Variants in UBR7 observed in about 807,000 individuals in gnomAD.
UBR7 encodes ubiquitin protein ligase E3 component n-recognin 7.
Under a neutral mutation model 57.0 loss-of-function variants are expected in UBR7, and 22 were observed. That is an observed-to-expected ratio of 0.39 (90% CI 0.28 to 0.55). The LOEUF is 0.55. Ranked by LOEUF, UBR7 falls within the 20% of genes least tolerant of loss-of-function variation. UBR7 has a pLI of 0.69. For missense variants in UBR7, 395 were observed against 513.2 expected (o/e 0.77, Z 2.23); for synonymous variants, 167 against 179.8 (o/e 0.93, Z 0.57).
At chr14:93,223,561 A>G in intron 10 of UBR7, 1 of 732,180 alleles carries the variant, frequency 1.4e-6, no homozygotes. Flanking sequence ...GGCGTTCCTG[A>G]GTTTATTTGG....
At chr14:93,223,742 C>G in intron 10 of UBR7, 2 of 773,664 alleles carry the variant, frequency 2.6e-6, no homozygotes, top group South Asian at 2.8e-5. Context: ...GCTGCGATCT[C>G]CTTCACCTTC....
At chr14:93,219,630 GTTTAC>G (rs1162517645) in intron 8 of UBR7, among the ~76,000 whole-genome samples, 1 of 152,204 alleles carries the variant, frequency 6.6e-6, no homozygotes, top group African/African-American at 2.4e-5. Flanking sequence ...TTTAATTTTA[GTTTAC>G]TTATCTTTGT....
intron 10 of UBR7, chr14:93,223,918 C>T (rs1894773431): frequency 4.1e-6 from 3 of 724,526 alleles, no homozygotes; most frequent in Admixed American, 1.9e-5. Context: ...TCTTGACCCG[C>T]GGTGGGGACT....
At chr14:93,223,442 A>C (rs1363761156) in intron 10 of UBR7, among the ~76,000 whole-genome samples, 1 of 148,294 alleles carries the variant, frequency 6.7e-6, no homozygotes, top group Non-Finnish European at 1.5e-5. Context: ...TTGTACCTGT[A>C]GTTTCAGCTA....
Position 93,215,269 on chromosome 14 carries a change from G to A in UBR7, c.589G>A (p.Ala197Thr), listed in dbSNP as rs868854967. The change falls in exon 6 of 11, where the codon GCA (alanine) becomes ACA (threonine). Residue 197 changes from alanine to threonine, a missense_variant. Transcript: ENST00000013070. The stretch of plus-strand genomic sequence containing the variant: ...TTGTTCTTTTTTGTGGGCTTATGCT[G>A]CACAATTGGCAGGTAGGTATCTTTG... ...KRCSFLWAYA[A>T]QLAVTKISTE... 3 of 1,575,980 alleles carry A rather than the reference G, an allele frequency of 1.9e-6. No homozygotes were observed. Among genetic ancestry groups the A allele is most frequent in the South Asian group, 1.2e-5 (1 of 85,976 alleles).
intron 10 of UBR7, chr14:93,223,541 T>A: frequency 1.5e-6 from 1 of 663,990 alleles, no homozygotes; most frequent in South Asian, 1.7e-5. Flanking sequence ...TTTTCTTTTT[T>A]GGGGTGGGGG....
chr14:93,229,078 C>A lies in UBR7; in HGVS notation c.*2043C>A. On this transcript the variant is annotated 3_prime_UTR_variant, in exon 11 of 11. Coordinates refer to ENST00000013070, the MANE Select transcript of UBR7 (RefSeq NM_175748.4). ...ATATTAATGCATGTTTTATGCAAAA[C>A]ACAAATATGATATTAGTTGCTTTTA... The A allele has an allele frequency of 2.6e-6, 1 of 386,678 alleles. No individual in the cohort carries two copies. Among genetic ancestry groups the A allele is most frequent in the Non-Finnish European group, 5.1e-6 (1 of 196,212 alleles). The allele number at this position is 386,678 out of a possible 1,614,324, so 24.0% of individuals were successfully genotyped here.
chr14:93,220,703 G>A (rs1027781100), intron 9 of UBR7, among the ~76,000 whole-genome samples: 1 of 152,098 alleles, frequency 6.6e-6, no homozygotes, highest in African/African-American at 2.4e-5. Context: ...GACATTATGT[G>A]TCATGTTCTT....
At chr14:93,208,908 C>T (rs2140096984) in intron 1 of UBR7, among the ~76,000 whole-genome samples, 1 of 152,192 alleles carries the variant, frequency 6.6e-6, no homozygotes, top group South Asian at 2.1e-4. Flanking sequence ...AGTGATTCTC[C>T]TGTCTTAGCC....
At chr14:93,223,631 G>T in intron 10 of UBR7, 1 of 1,370,268 alleles carries the variant, frequency 7.3e-7, no homozygotes, top group Non-Finnish European at 1.0e-6. Flanking sequence ...TGGTGGTGAA[G>T]CGTGGCTTGG....
intron 10 of UBR7, among the ~76,000 whole-genome samples, chr14:93,224,687 T>C (rs1388158802): frequency 6.6e-6 from 1 of 152,174 alleles, no homozygotes; most frequent in Non-Finnish European, 1.5e-5. Context: ...TTCCCTACAG[T>C]TCTTAAAACT....
At chr14:93,212,695 C>T (rs1307020977) in intron 4 of UBR7, among the ~76,000 whole-genome samples, 1 of 152,182 alleles carries the variant, frequency 6.6e-6, no homozygotes, top group Non-Finnish European at 1.5e-5. Context: ...TGTACACTCA[C>T]TTCTGCAGCT....
chr14:93,207,469 C>A, intron 1 of UBR7, 28 bp downstream of exon 1: 1 of 1,521,620 alleles, frequency 6.6e-7, no homozygotes, highest in Admixed American at 2.3e-5. Flanking sequence ...GCCTCCTCTC[C>A]CCCGGCTCCC....
intron 10 of UBR7, chr14:93,224,008 G>A: frequency 2.5e-6 from 2 of 792,212 alleles, no homozygotes; most frequent in Non-Finnish European, 4.4e-6. Flanking sequence ...AGTACCAGAA[G>A]TCCCGGGACT....
intron 3 of UBR7, among the ~76,000 whole-genome samples, chr14:93,211,103 G>A (rs1180737455): frequency 6.6e-6 from 1 of 152,160 alleles, no homozygotes; most frequent in Non-Finnish European, 1.5e-5. Flanking sequence ...GGGCATGGTG[G>A]CACCCAGTCA....
rs574698768 is a variant in UBR7, at chr14:93,223,980, T to C, written c.1185+1606T>C. 1.1e-5 allele frequency: 8 copies of C among 756,452 alleles called. No individual in the cohort carries two copies. In the South Asian group the frequency reaches 1.2e-4, roughly 11 times the overall value. 46.9% of individuals were successfully genotyped at this position (756,452 alleles called of 1,614,324 possible). ...ATCTCCCCTGAAGACTTCTTCATCTTTTTTAACTGAGATACGAAGTACCAG... is the reference window on the plus strand; with the variant it reads ...ATCTCCCCTGAAGACTTCTTCATCTCTTTTAACTGAGATACGAAGTACCAG... On this transcript the variant is annotated intron_variant, in intron 10 of 10. Transcript: ENST00000013070.
rs545897362 is a variant in UBR7, at chr14:93,223,737, G to C, written c.1185+1363G>C. The stretch of plus-strand genomic sequence containing the variant: ...CCGGCTGGCGGCACTTGCTGGCTGC[G>C]ATCTCCTTCACCTTCAGGATCTCGA... On this transcript the variant is annotated intron_variant, in intron 10 of 10. Transcript: ENST00000013070. 6 of 786,236 alleles carry C rather than the reference G, an allele frequency of 7.6e-6. No individual in the cohort carries two copies. In the African/African-American group the frequency reaches 8.5e-5, roughly 11 times the overall value. 48.7% of individuals were successfully genotyped at this position (786,236 alleles called of 1,614,324 possible).
In UBR7 at chr14:93,228,096, A is replaced by G. The variant is rs1231598824; in HGVS notation, c.*1061A>G. The G allele has an allele frequency of 7.3e-6, 5 of 682,812 alleles. No homozygotes were observed. The highest frequency in any genetic ancestry group is 1.3e-5 in the Non-Finnish European group (5 of 374,036). 42.3% of individuals were successfully genotyped at this position (682,812 alleles called of 1,614,324 possible). A position where few individuals can be genotyped will look rare whatever the true frequency, so the allele number is the denominator to read the frequency against. On this transcript the variant is annotated 3_prime_UTR_variant, in exon 11 of 11. Coordinates refer to ENST00000013070, the MANE Select transcript of UBR7 (RefSeq NM_175748.4). ...TGTTTTGGAAGAGACAGACTGTGGAAGAGATTACAAACAAGGCCCGAGGCT... is the reference window on the plus strand; with the variant it reads ...TGTTTTGGAAGAGACAGACTGTGGAGGAGATTACAAACAAGGCCCGAGGCT...
chr14:93,219,104 T>G, intron 7 of UBR7, 108 bp from the exon 8 acceptor site: 1 of 1,320,804 alleles, frequency 7.6e-7, no homozygotes, highest in South Asian at 1.3e-5. Flanking sequence ...AACTTATGGC[T>G]TTGGATTTCA....
Sources: allele counts gnomAD v4.1 joint callset (sites outside exome capture counted in the v4.1 genomes callset), GRCh38; gene constraint gnomAD v4.1.1; transcripts MANE v1.5; gene names NCBI Gene and HGNC (gene_info 2026-07-23, HGNC 2026-07-21).